Variants in MEGF6 observed in about 807,000 individuals in gnomAD.
The protein encoded by MEGF6 is multiple EGF like domains 6, also known as multiple epidermal growth factor-like domains protein 6.
In MEGF6, 184 loss-of-function variants were observed where a neutral mutation model predicts 207.1. The observed-to-expected ratio is 0.89, with a 90% CI of 0.79 to 1.00. The LOEUF is 1.00. Ranked by LOEUF, MEGF6 falls within the 50% of genes least tolerant of loss-of-function variation. MEGF6 has a pLI of 0.00. For missense variants in MEGF6, 2,282 were observed against 2,202.9 expected (o/e 1.04, Z -0.72); for synonymous variants, 1,038 against 910.0 (o/e 1.14, Z -2.53).
At position 3,488,617 on chromosome 1, in the gene MEGF6, T is replaced by C. The variant is rs548475150; in HGVS notation, c.*1911A>G. On this transcript the variant is annotated 3_prime_UTR_variant, in exon 37 of 37. Transcript: ENST00000356575. Reference sequence around the variant, plus strand: ...GAATAACATGGACTTTGCATGCCTTTGATAGTTTAGCTGGATGTAAAATTC... The same window carrying C: ...GAATAACATGGACTTTGCATGCCTTCGATAGTTTAGCTGGATGTAAAATTC... Among the ~76,000 whole-genome samples the C allele has an allele frequency of 5.3e-5, 8 of 152,366 alleles. No individual in the cohort carries two copies. Among genetic ancestry groups the C allele is most frequent in the African/African-American group, 1.9e-4 (8 of 41,584 alleles).
chr1:3,504,638 G>A (rs773450668), intron 17 of MEGF6, among the ~76,000 whole-genome samples: 38 of 152,138 alleles, frequency 2.5e-4, no homozygotes, highest in Non-Finnish European at 3.5e-4. Context: ...CATGGACTCC[G>A]CTGGTCCATC....
Position 3,501,073 on chromosome 1 carries a change from C to G in MEGF6, c.2468G>C (p.Gly823Ala). ...AGAGCACCTTGTCTGGCAGCTGGGACCATACCAGCCTGCTGGGCACACTAC... is the reference window on the plus strand; with the variant it reads ...AGAGCACCTTGTCTGGCAGCTGGGAGCATACCAGCCTGCTGGGCACACTAC... ...CQDVCPAGWY[G>A]PSCQTRCSCA... Residue 823 changes from glycine to alanine, a missense_variant, in exon 20 of 37, where the codon GGT (glycine) becomes GCT (alanine). By Grantham distance (60) the Gly-to-Ala change is moderately conservative. Transcript: ENST00000356575. 2 of 1,612,728 alleles carry G rather than the reference C, an allele frequency of 1.2e-6. No homozygotes were observed. The highest frequency in any genetic ancestry group is 1.7e-6 in the Non-Finnish European group (2 of 1,179,932).
At chr1:3,562,997 C>T (rs1339753758) in intron 4 of MEGF6, among the ~76,000 whole-genome samples, 3 of 152,144 alleles carry the variant, frequency 2.0e-5, no homozygotes, top group Admixed American at 6.5e-5. Context: ...ACCTCTCTGC[C>T]CACCGAGGCA....
At chr1:3,544,878 C>T (rs546469729) in intron 4 of MEGF6, among the ~76,000 whole-genome samples, 4 of 152,264 alleles carry the variant, frequency 2.6e-5, no homozygotes, top group South Asian at 4.1e-4. Context: ...GCAGGGTGGC[C>T]GAGGGGGCAG....
Position 3,501,157 on chromosome 1 carries a change from G to A in MEGF6, c.2446+20C>T, listed in dbSNP as rs759236284. The A allele has an allele frequency of 6.2e-7, 1 of 1,612,544 alleles. No homozygotes were observed. The highest frequency in any genetic ancestry group is 2.2e-5 in the East Asian group (1 of 44,844). ...ACCTACCCCAGGTCAAAGGCTCAGG[G>A]GCAGCTCCAGCTCACTCACCGTCCT... On this transcript the variant is annotated intron_variant, in intron 19 of 36. Coordinates refer to ENST00000356575, the MANE Select transcript of MEGF6 (RefSeq NM_001409.4).
At chr1:3,524,969 T>C (rs562567487) in intron 4 of MEGF6, among the ~76,000 whole-genome samples, 2 of 152,278 alleles carry the variant, frequency 1.3e-5, no homozygotes, top group South Asian at 2.1e-4. Context: ...TATGGGTTCA[T>C]AGGGAGCGTG....
At chr1:3,623,179 T>C in the MEGF6 span, 1 of 141,686 alleles carries the variant, frequency 7.1e-6, no homozygotes, top group South Asian at 2.6e-4. Flanking sequence ...CTCTTTCTCA[T>C]TCTCCCTTCT....
chr1:3,622,937 A>G, the MEGF6 span, among the ~76,000 whole-genome samples: 10 of 152,244 alleles, frequency 6.6e-5, no homozygotes, highest in East Asian at 1.9e-3. Flanking sequence ...GAATTTATAG[A>G]CATCCAAGTC....
In MEGF6 at chr1:3,556,683, C is replaced by T. The variant is rs1406557896; in HGVS notation, c.481+23142G>A. ...GCAGACTGCAGGCAGCTTAAGAGCT[C>T]CATTGTGGACAAGGGGTGGCACGTA... On this transcript the variant is annotated intron_variant, in intron 4 of 36. Transcript: ENST00000356575. The surrounding 1 kb of genome is among the most constrained non-coding windows in gnomAD (Gnocchi z 4.4). 6.6e-6 allele frequency among the ~76,000 whole-genome samples: 1 copy of T among 152,146 alleles called. No homozygotes were observed. The highest frequency in any genetic ancestry group is 1.5e-5 in the Non-Finnish European group (1 of 68,042).
intron 28 of MEGF6, 40 bp from the exon 29 acceptor site, chr1:3,496,823 G>C (rs1640625995): frequency 6.5e-7 from 1 of 1,542,728 alleles, no homozygotes; most frequent in South Asian, 1.2e-5. Context: ...TGGGGCTGGA[G>C]GCTTCCCCAG....
chr1:3,536,268 A>G (rs1642325206), intron 4 of MEGF6, among the ~76,000 whole-genome samples: 1 of 150,062 alleles, frequency 6.7e-6, no homozygotes, highest in Admixed American at 6.6e-5. Context: ...ACACCCCTTC[A>G]TTGGCTCATT....
chr1:3,600,977 G>A (rs1229007974), intron 2 of MEGF6, among the ~76,000 whole-genome samples: 1 of 152,160 alleles, frequency 6.6e-6, no homozygotes, highest in East Asian at 1.9e-4. Flanking sequence ...GGTTGGTGAA[G>A]AGGCCCGGAC....
intron 4 of MEGF6, among the ~76,000 whole-genome samples, chr1:3,530,394 C>T (rs1008080865): frequency 6.6e-6 from 1 of 152,198 alleles, no homozygotes; most frequent in Non-Finnish European, 1.5e-5. Flanking sequence ...TGACGACTCA[C>T]TGGGAGCCGC....
intron 3 of MEGF6, among the ~76,000 whole-genome samples, chr1:3,590,059 G>A (rs368175771): frequency 8.5e-4 from 130 of 152,314 alleles, no homozygotes; most frequent in African/African-American, 2.9e-3. Flanking sequence ...CTGCCTCTCC[G>A]TCCAGTGGCC....
chr1:3,507,960 C>A (rs776579911), intron 13 of MEGF6, 37 bp from the exon 14 acceptor site: 6 of 1,595,874 alleles, frequency 3.8e-6, no homozygotes. Flanking sequence ...GGGTCACCAG[C>A]CAGCACGACA....
At chr1:3,548,780 G>C (rs1642795589) in intron 4 of MEGF6, among the ~76,000 whole-genome samples, 1 of 152,070 alleles carries the variant, frequency 6.6e-6, no homozygotes. Flanking sequence ...GTGAGCACAG[G>C]TCCCCAGCAC....
Position 3,506,256 on chromosome 1 carries a change from A to G in MEGF6, c.1790-20T>C. ...GGCAGCCTGGGGGCAGCGGGGCTCCATGTGAACCTTGGTGGCAGCCAGCCT... is the reference window on the plus strand; with the variant it reads ...GGCAGCCTGGGGGCAGCGGGGCTCCGTGTGAACCTTGGTGGCAGCCAGCCT... On this transcript the variant is annotated intron_variant, in intron 14 of 36. Coordinates refer to ENST00000356575, the MANE Select transcript of MEGF6 (RefSeq NM_001409.4). 1 of 1,605,226 alleles carries G rather than the reference A, an allele frequency of 6.2e-7. No homozygotes were observed. The highest frequency in any genetic ancestry group is 8.5e-7 in the Non-Finnish European group (1 of 1,176,562).
At position 3,499,915 on chromosome 1, in the gene MEGF6, TG is replaced by T. The variant is rs1210893539; in HGVS notation, c.2716del (p.Gln906ArgfsTer66). On this transcript the variant is annotated frameshift_variant, in exon 22 of 37. Transcript: ENST00000356575. LOFTEE classifies it high-confidence loss of function. ...CTCACAGCCGGGCCCAAAGTGGCCC[TG>T]GGGACACTCTGAGATATGCAGCCCC... ...VGPRCEQQCP[Q>X]GHFGPGCEQR... The T allele has an allele frequency of 7.0e-6, 11 of 1,562,662 alleles. No individual in the cohort carries two copies. The highest frequency in any genetic ancestry group is 9.5e-6 in the Non-Finnish European group (11 of 1,154,624).
At chr1:3,499,373 T>C in intron 23 of MEGF6, 107 bp from the exon 24 acceptor site, 1 of 1,449,192 alleles carries the variant, frequency 6.9e-7, no homozygotes, top group South Asian at 1.4e-5. Flanking sequence ...TCGGCTGCTA[T>C]GGCCAACTCT....
Sources: allele counts gnomAD v4.1 joint callset (sites outside exome capture counted in the v4.1 genomes callset), GRCh38; gene constraint gnomAD v4.1.1; non-coding constraint Gnocchi (gnomAD v3.1); transcripts MANE v1.5; gene names NCBI Gene and HGNC (gene_info 2026-07-23, HGNC 2026-07-21).